The following MARCHF1 variants were observed in gnomAD, a reference collection of about 807,000 sequenced individuals.
The protein encoded by MARCHF1 is membrane associated ring-CH-type finger 1.
Under a neutral mutation model 54.2 loss-of-function variants are expected in MARCHF1, and 40 were observed. The observed-to-expected ratio is 0.74, with a 90% CI of 0.57 to 0.96. MARCHF1 has a LOEUF of 0.96. Ranked by LOEUF, MARCHF1 falls within the 40% of genes least tolerant of loss-of-function variation. The pLI, the probability that MARCHF1 is intolerant of heterozygous loss-of-function variation, is 0.00. For missense variants in MARCHF1, 586 were observed against 656.5 expected (o/e 0.89, Z 1.17); for synonymous variants, 236 against 236.3 (o/e 1.00, Z 0.01).
Position 164,233,251 on chromosome 4 carries a change from A to AC in MARCHF1, c.-322-121590dup, listed in dbSNP as rs572618248. ...GGTTTCTGTTTATTTCAAAAAAAAA[A>AC]CACATTACTCTGCTGTTCAAAGTTA... On this transcript the variant is annotated intron_variant, in intron 1 of 9. Transcript: ENST00000514618. 1.5e-4 allele frequency among the ~76,000 whole-genome samples: 23 copies of AC among 151,682 alleles called. No individual in the cohort carries two copies. In the South Asian group the frequency reaches 4.4e-3, roughly 29 times the overall value.
At chr4:163,913,314 T>C (rs1245891226) in intron 3 of MARCHF1, among the ~76,000 whole-genome samples, 1 of 152,204 alleles carries the variant, frequency 6.6e-6, no homozygotes, top group Non-Finnish European at 1.5e-5. Context: ...TGATTAATTT[T>C]CTGTGCCTCC....
At chr4:164,163,465 C>G (rs1232009861) in intron 1 of MARCHF1, among the ~76,000 whole-genome samples, 1 of 151,622 alleles carries the variant, frequency 6.6e-6, no homozygotes, top group Non-Finnish European at 1.5e-5. Flanking sequence ...ATAATGGTAC[C>G]AGGGTGTATA....
intron 7 of MARCHF1, among the ~76,000 whole-genome samples, chr4:163,597,646 A>G (rs921709651): frequency 1.3e-5 from 2 of 152,194 alleles, no homozygotes; most frequent in Non-Finnish European, 2.9e-5. Context: ...AAAATATTAA[A>G]ATACAAAGAT....
In MARCHF1 at chr4:164,050,275, C is replaced by CAA. The variant is rs34642436; in HGVS notation, c.-248+61311_-248+61312dup. Among the ~76,000 whole-genome samples, 149 of 40,196 alleles carry CAA rather than the reference C, an allele frequency of 3.7e-3. 8 individuals are homozygous for CAA. Among genetic ancestry groups the CAA allele is most frequent in the African/African-American group, 0.01 (104 of 10,168 alleles). 26.4% of individuals were successfully genotyped at this position (40,196 alleles called of 152,430 possible). On this transcript the variant is annotated intron_variant, in intron 2 of 9. Transcript: ENST00000514618. ...GGGCGACGGAGCGAGACACTGTCTC[C>CAA]AAAAAAAAAAAAAAAAAAAAAAAAA...
chr4:163,709,124 TTGAC>T (rs1369876201), intron 4 of MARCHF1, among the ~76,000 whole-genome samples: 3 of 152,288 alleles, frequency 2.0e-5, no homozygotes, highest in African/African-American at 4.8e-5. Context: ...AGATGTATGT[TTGAC>T]TGAGCAGAAA....
chr4:163,862,220 T>G (rs573683445), intron 3 of MARCHF1, among the ~76,000 whole-genome samples: 4 of 152,026 alleles, frequency 2.6e-5, no homozygotes, highest in Non-Finnish European at 5.9e-5. Flanking sequence ...TGGAATTTGT[T>G]AAAATTATAA....
rs370315973 is a variant in MARCHF1, at chr4:164,346,347, T to C, written c.-323+37523A>G. On this transcript the variant is annotated intron_variant, in intron 1 of 9. Transcript: ENST00000514618. ...TATTAAATAGGTAGAACCACTGACA[T>C]GGTAAAAAGAAAAACTCGTATGCTT... Among the ~76,000 whole-genome samples the C allele has an allele frequency of 2.1e-3, 316 of 152,266 alleles. 2 individuals are homozygous for C. The highest frequency in any genetic ancestry group is 0.014 in the Middle Eastern group (4 of 294).
chr4:164,157,968 C>A (rs1409049713), intron 1 of MARCHF1, among the ~76,000 whole-genome samples: 1 of 152,124 alleles, frequency 6.6e-6, no homozygotes, highest in Non-Finnish European at 1.5e-5. Flanking sequence ...TTTCCAATGC[C>A]ATTTTTGATG....
At chr4:163,846,705 A>G (rs1022594490) in intron 4 of MARCHF1, among the ~76,000 whole-genome samples, 29 of 152,196 alleles carry the variant, frequency 1.9e-4, no homozygotes, top group Admixed American at 4.6e-4. Context: ...AAACCATCTC[A>G]GACTTGTTTG....
chr4:163,683,793 C>A (rs569881191), intron 5 of MARCHF1, among the ~76,000 whole-genome samples: 14 of 152,186 alleles, frequency 9.2e-5, no homozygotes, highest in Admixed American at 2.0e-4. Context: ...GCTCACAACT[C>A]TGCATTCTGG....
chr4:164,018,079 A>ATC (rs1320656217), intron 2 of MARCHF1, among the ~76,000 whole-genome samples: 2 of 151,970 alleles, frequency 1.3e-5, no homozygotes, highest in Admixed American at 1.3e-4. Flanking sequence ...AAACCAAATG[A>ATC]TCTGGTAATA....
At chr4:164,266,025 GT>G (rs1361635975) in intron 1 of MARCHF1, among the ~76,000 whole-genome samples, 4 of 152,174 alleles carry the variant, frequency 2.6e-5, no homozygotes, top group African/African-American at 7.2e-5. Context: ...AACCATGCCT[GT>G]TTGTTCGCTC....
chr4:163,768,075 G>A (rs1367766045), intron 4 of MARCHF1, among the ~76,000 whole-genome samples: 3 of 152,016 alleles, frequency 2.0e-5, no homozygotes, highest in Non-Finnish European at 4.4e-5. Context: ...ATGACCTGCC[G>A]TCTTTGTTAA....
chr4:163,727,675 T>TC (rs1745703502), intron 4 of MARCHF1, among the ~76,000 whole-genome samples: 1 of 151,946 alleles, frequency 6.6e-6, no homozygotes, highest in African/African-American at 2.4e-5. Context: ...AAAGGTGTTT[T>TC]CTTTTTTTTT....
chr4:164,316,575 T>C (rs555507750), intron 1 of MARCHF1, among the ~76,000 whole-genome samples: 3 of 151,964 alleles, frequency 2.0e-5, no homozygotes, highest in East Asian at 1.9e-4. Context: ...CCTATACTTA[T>C]CCACTGAAGC....
chr4:163,583,668 G>GTTTTTTTTT (rs1740311377), intron 8 of MARCHF1: 1 of 36,666 alleles, frequency 2.7e-5, no homozygotes, highest in Non-Finnish European at 5.2e-5. Context: ...TTTTTTTTTG[G>GTTTTTTTTT]AGACAAAGTA....
At chr4:163,928,730 A>G (rs1205170441) in intron 3 of MARCHF1, among the ~76,000 whole-genome samples, 1 of 152,048 alleles carries the variant, frequency 6.6e-6, no homozygotes, top group Non-Finnish European at 1.5e-5. Flanking sequence ...AGTAATTTGT[A>G]AAGTAACAAT....
intron 3 of MARCHF1, among the ~76,000 whole-genome samples, chr4:163,945,116 G>A (rs1751998008): frequency 6.6e-6 from 1 of 152,086 alleles, no homozygotes; most frequent in African/African-American, 2.4e-5. Flanking sequence ...TAATTCCTAT[G>A]CTAGCCTCTA....
intron 1 of MARCHF1, among the ~76,000 whole-genome samples, chr4:164,331,712 T>A (rs1735438641): frequency 6.6e-6 from 1 of 152,186 alleles, no homozygotes; most frequent in Admixed American, 6.5e-5. Context: ...TACATATCTA[T>A]AATAATTCTC....
Sources: gnomAD v4.1 joint callset for allele counts (sites outside exome capture counted in the v4.1 genomes callset) on GRCh38, gnomAD v4.1.1 for gene constraint, MANE v1.5 for transcripts, NCBI Gene and HGNC (gene_info 2026-07-23, HGNC 2026-07-21) for gene names.